RPL22: variants seen among roughly 807,000 people sequenced by gnomAD.
RPL22 encodes the protein ribosomal protein L22, also known as large ribosomal subunit protein eL22.
In RPL22, 4 loss-of-function variants were observed where a neutral mutation model predicts 16.2. That is an observed-to-expected ratio of 0.25 (90% CI 0.12 to 0.57). The LOEUF (loss-of-function observed/expected upper bound fraction) is 0.57. Ranked by LOEUF, RPL22 falls within the 20% of genes least tolerant of loss-of-function variation. RPL22 has a pLI of 0.92. For synonymous variants in RPL22, 43 were observed against 54.8 expected (o/e 0.78, Z 0.95); for missense variants, 83 against 156.1 (o/e 0.53, Z 2.49).
intron 1 of RPL22, 167 bp from the exon 2 acceptor site, chr1:6,197,923 G>C (rs1667741498): frequency 1.6e-6 from 1 of 628,446 alleles, no homozygotes; most frequent in African/African-American, 1.8e-5. Flanking sequence ...CTGAGTGCCA[G>C]AGGTATAATG....
At chr1:6,190,360 T>C (rs1481264677) in intron 3 of RPL22, among the ~76,000 whole-genome samples, 1 of 152,182 alleles carries the variant, frequency 6.6e-6, no homozygotes, top group East Asian at 1.9e-4. Flanking sequence ...TCCCACCACT[T>C]GATTTAGTAT....
intron 1 of RPL22, chr1:6,199,309 C>T: frequency 1.9e-6 from 2 of 1,029,114 alleles, no homozygotes; most frequent in South Asian, 6.5e-5. Context: ...GGCTCCAGCT[C>T]CCCGCTAGCC....
rs781515646 is a variant in RPL22, at chr1:6,186,242, GAC to G, written c.*428_*429del. The G allele has an allele frequency of 8.3e-6, 2 of 240,282 alleles. No individual in the cohort carries two copies. Among genetic ancestry groups the G allele is most frequent in the Non-Finnish European group, 1.6e-5 (2 of 123,044 alleles). The allele number at this position is 240,282 out of a possible 1,614,324, so 14.9% of individuals were successfully genotyped here. The stretch of plus-strand genomic sequence containing the variant: ...ATGGCCCAGAAACCCGCATTTTATT[GAC>G]AGTCATTTTCCCACAGAGAATCTTA... On this transcript the variant is annotated 3_prime_UTR_variant, in exon 4 of 4. Coordinates refer to ENST00000234875, the MANE Select transcript of RPL22 (RefSeq NM_000983.4).
chr1:6,196,939 T>G lies in RPL22; in HGVS notation c.117+713A>C, dbSNP rs553269090. Among the ~76,000 whole-genome samples the G allele has an allele frequency of 2.0e-3, 307 of 152,342 alleles. 1 individual carries two copies. The highest frequency in any genetic ancestry group is 7.2e-3 in the African/African-American group (299 of 41,582). ...GACCCAGGACAGAGGCAGCCCATAGTCAGGATCAGGGTCCCTCACTTATGC... is the reference window on the plus strand; with the variant it reads ...GACCCAGGACAGAGGCAGCCCATAGGCAGGATCAGGGTCCCTCACTTATGC... On this transcript the variant is annotated intron_variant, in intron 2 of 3. Coordinates refer to ENST00000234875, the MANE Select transcript of RPL22 (RefSeq NM_000983.4).
chr1:6,189,110 C>T (rs1180819084), intron 3 of RPL22, among the ~76,000 whole-genome samples: 2 of 152,028 alleles, frequency 1.3e-5, no homozygotes, highest in Non-Finnish European at 2.9e-5. Context: ...ATTCACAGGA[C>T]CCAAATGTCA....
At chr1:6,189,310 T>C (rs2100902236) in intron 3 of RPL22, among the ~76,000 whole-genome samples, 1 of 152,282 alleles carries the variant, frequency 6.6e-6, no homozygotes, top group Admixed American at 6.5e-5. Flanking sequence ...GATAAATCAA[T>C]TTGGTCATTC....
chr1:6,187,006 C>T (rs4908863), intron 3 of RPL22, among the ~76,000 whole-genome samples, 190 bp from the exon 4 acceptor site: 19,915 of 152,200 alleles, frequency 0.13, 2,126 homozygotes, highest in African/African-American at 0.29. Context: ...CCATCGACAT[C>T]GGCAGTAACA....
At chr1:6,194,290 T>TG (rs1350162197) in intron 2 of RPL22, among the ~76,000 whole-genome samples, 1 of 152,198 alleles carries the variant, frequency 6.6e-6, no homozygotes, top group Non-Finnish European at 1.5e-5. Flanking sequence ...TATAAAACAC[T>TG]GTTCACAGCA....
At chr1:6,193,806 TTACA>T (rs1667683144) in intron 2 of RPL22, among the ~76,000 whole-genome samples, 1 of 152,170 alleles carries the variant, frequency 6.6e-6, no homozygotes, top group African/African-American at 2.4e-5. Flanking sequence ...CAAATCCCAT[TTACA>T]TACATACTAT....
intron 3 of RPL22, among the ~76,000 whole-genome samples, chr1:6,190,088 T>C (rs531309292): frequency 6.6e-6 from 1 of 152,212 alleles, no homozygotes; most frequent in African/African-American, 2.4e-5. Context: ...GAACAGAAAG[T>C]TTGTGAAAAC....
intron 1 of RPL22, chr1:6,199,316 A>G: frequency 9.4e-7 from 1 of 1,064,720 alleles, no homozygotes; most frequent in Non-Finnish European, 1.2e-6. Flanking sequence ...GCTCCCCGCT[A>G]GCCCCTAGCT....
chr1:6,187,646 CAGATAAGT>C (rs1024291478), intron 3 of RPL22, among the ~76,000 whole-genome samples: 1 of 150,180 alleles, frequency 6.7e-6, no homozygotes, highest in Admixed American at 6.6e-5. Flanking sequence ...AAAACAAGAG[CAGATAAGT>C]AGATAAGTAG....
chr1:6,188,668 A>G (rs1368037711), intron 3 of RPL22, among the ~76,000 whole-genome samples: 1 of 151,900 alleles, frequency 6.6e-6, no homozygotes, highest in Non-Finnish European at 1.5e-5. Flanking sequence ...CAACACACAA[A>G]CCCACAGCAG....
intron 2 of RPL22, among the ~76,000 whole-genome samples, chr1:6,195,991 A>G (rs1667710945): frequency 1.3e-5 from 2 of 152,122 alleles, no homozygotes; most frequent in South Asian, 2.1e-4. Context: ...TGAACCAGGG[A>G]AACGGAGATT....
intron 3 of RPL22, 142 bp downstream of exon 3, chr1:6,192,788 C>T: frequency 1.0e-6 from 1 of 964,512 alleles, no homozygotes. Context: ...TAGCATTCAT[C>T]CACTGCCTCC....
rs1483882645 is a variant in RPL22 at position 6,186,407 on chromosome 1, C to A, written c.*265G>T. ...ACTACCTTCAGCCCACACCTCCACACCCGCATCTGCCTCCCCAATGGCTGT... is the reference window on the plus strand; with the variant it reads ...ACTACCTTCAGCCCACACCTCCACAACCGCATCTGCCTCCCCAATGGCTGT... On this transcript the variant is annotated 3_prime_UTR_variant, in exon 4 of 4. Transcript: ENST00000234875. 1 of 384,220 alleles carries A rather than the reference C, an allele frequency of 2.6e-6. No individual in the cohort carries two copies. Among genetic ancestry groups the A allele is most frequent in the Admixed American group, 4.5e-5 (1 of 22,180 alleles). The allele number at this position is 384,220 out of a possible 1,614,324, so 23.8% of individuals were successfully genotyped here.
Position 6,186,408 on chromosome 1 carries a change from C to T in RPL22, c.*264G>A, listed in dbSNP as rs1053424998. ...CTACCTTCAGCCCACACCTCCACAC[C>T]CGCATCTGCCTCCCCAATGGCTGTC... On this transcript the variant is annotated 3_prime_UTR_variant, in exon 4 of 4. Transcript: ENST00000234875. 62 of 382,724 alleles carry T rather than the reference C, an allele frequency of 1.6e-4. No individual in the cohort carries two copies. Among genetic ancestry groups the T allele is most frequent in the African/African-American group, 1.0e-3 (49 of 47,566 alleles). 23.7% of individuals were successfully genotyped at this position (382,724 alleles called of 1,614,324 possible).
chr1:6,199,289 G>T (rs1250599857), intron 1 of RPL22: 1 of 788,940 alleles, frequency 1.3e-6, no homozygotes, highest in Non-Finnish European at 1.7e-6. Flanking sequence ...GGCCCAGACC[G>T]CAGTCTCCAG....
chr1:6,190,190 G>A (rs371429487), intron 3 of RPL22, among the ~76,000 whole-genome samples: 1 of 152,320 alleles, frequency 6.6e-6, no homozygotes, highest in East Asian at 1.9e-4. Context: ...CTACAGCCCA[G>A]CAGGCCGGAC....
Sources: gnomAD v4.1 joint callset for allele counts (sites outside exome capture counted in the v4.1 genomes callset) on GRCh38, gnomAD v4.1.1 for gene constraint, MANE v1.5 for transcripts, NCBI Gene and HGNC (gene_info 2026-07-23, HGNC 2026-07-21) for gene names.